The following GREM1 variants were observed in gnomAD, a reference collection of about 807,000 sequenced individuals.
The protein encoded by GREM1 is gremlin-1.
In GREM1, 6 loss-of-function variants were observed where a neutral mutation model predicts 13.1. That is an observed-to-expected ratio of 0.46 (90% CI 0.25 to 0.91). The LOEUF (loss-of-function observed/expected upper bound fraction) is 0.91. GREM1 is among the 40% of genes least tolerant of loss of function. GREM1 has a pLI of 0.18. For missense variants in GREM1, 185 were observed against 233.9 expected, an observed-to-expected ratio of 0.79 and a Z score of 1.36; for synonymous variants, 98 against 93.7, an observed-to-expected ratio of 1.05 and a Z score of -0.27.
At position 32,736,055 on chromosome 15, in the gene GREM1, A is replaced by G. The variant is rs1364436620; in HGVS notation, c.*4810A>G. The G allele has an allele frequency of 6.6e-6, 1 of 152,230 alleles. No homozygotes were observed. Among genetic ancestry groups the G allele is most frequent in the Non-Finnish European group, 1.5e-5 (1 of 68,052 alleles). 9.4% of individuals were successfully genotyped at this position (152,230 alleles called of 1,614,324 possible). On this transcript the variant is annotated 3_prime_UTR_variant, in exon 2 of 2. Coordinates refer to ENST00000651154, the MANE Select transcript of GREM1 (RefSeq NM_013372.7). ...GCTTTGAAACCAACAGCCTGCAATTACCATGAAAATCAGCAGTCTGGCAGC... is the reference window on the plus strand; with the variant it reads ...GCTTTGAAACCAACAGCCTGCAATTGCCATGAAAATCAGCAGTCTGGCAGC...
intron 1 of GREM1, chr15:32,718,607 C>T (rs1039272936): frequency 2.6e-6 from 1 of 384,516 alleles, no homozygotes; most frequent in African/African-American, 2.1e-5. Context: ...GCTTGGGGCG[C>T]CGCGCTGGGT....
chr15:32,739,656 G>A lies in GREM1; in HGVS notation c.*8411G>A, dbSNP rs914461004. The A allele has an allele frequency of 1.3e-5, 2 of 152,170 alleles. No individual in the cohort carries two copies. The highest frequency in any genetic ancestry group is 2.9e-5 in the Non-Finnish European group (2 of 68,042). 9.4% of individuals were successfully genotyped at this position (152,170 alleles called of 1,614,324 possible). ...ACACATCTATTCTGCAAAAATTCAT[G>A]GCTAAATTCCTTTGTGAGGAATCCA... On this transcript the variant is annotated 3_prime_UTR_variant, in exon 2 of 2. Transcript: ENST00000651154.
Position 32,735,773 on chromosome 15 carries a change from G to T in GREM1, c.*4528G>T. The T allele has an allele frequency of 7.2e-6, 1 of 138,104 alleles. No individual in the cohort carries two copies. The highest frequency in any genetic ancestry group is 7.3e-5 in the Admixed American group (1 of 13,766). The allele number at this position is 138,104 out of a possible 1,614,324, so 8.6% of individuals were successfully genotyped here. On this transcript the variant is annotated 3_prime_UTR_variant, in exon 2 of 2. Transcript: ENST00000651154. The stretch of plus-strand genomic sequence containing the variant: ...ACACGGAAGAGCATTTCAAGCTTAA[G>T]AAAAAAAAAAAAAAGAAGAATGTGG...
intron 1 of GREM1, among the ~76,000 whole-genome samples, chr15:32,721,882 G>T (rs1595844773): frequency 1.3e-5 from 2 of 152,270 alleles, no homozygotes; most frequent in South Asian, 2.1e-4. Flanking sequence ...CTCGTTTCTT[G>T]TTGACCTCAA....
In GREM1 at chr15:32,718,641, T is replaced by C. The variant is rs370617365; in HGVS notation, c.-2+480T>C. 7.5e-3 allele frequency: 2,736 copies of C among 364,310 alleles called. 103 individuals carry two copies. Among genetic ancestry groups the C allele is most frequent in the South Asian group, 0.054 (2,631 of 48,948 alleles). The allele number at this position is 364,310 out of a possible 1,614,324, so 22.6% of individuals were successfully genotyped here. A position where few individuals can be genotyped will look rare whatever the true frequency, so the allele number is the denominator to read the frequency against. On this transcript the variant is annotated intron_variant, in intron 1 of 1. Coordinates refer to ENST00000651154, the MANE Select transcript of GREM1 (RefSeq NM_013372.7). ...GTCTGGGGGCGTCTTGGGGCGCCCATTGGAGTCCGCGGGTTGGAGCATCCG... is the reference window on the plus strand; with the variant it reads ...GTCTGGGGGCGTCTTGGGGCGCCCACTGGAGTCCGCGGGTTGGAGCATCCG...
At chr15:32,718,621 G>A (rs2055344489) in intron 1 of GREM1, 2 of 369,032 alleles carry the variant, frequency 5.4e-6, no homozygotes, top group Admixed American at 7.2e-5. Context: ...GCTGGGTCTG[G>A]GGGCGTCTTG....
chr15:32,718,233 G>A (rs1334658987), intron 1 of GREM1, 72 bp downstream of exon 1: 1 of 1,189,282 alleles, frequency 8.4e-7, no homozygotes, highest in Non-Finnish European at 1.1e-6. Flanking sequence ...CCCAGGACCC[G>A]CTCAGTTCCA....
intron 1 of GREM1, among the ~76,000 whole-genome samples, chr15:32,727,679 T>A (rs2055537108): frequency 6.6e-6 from 1 of 152,154 alleles, no homozygotes; most frequent in South Asian, 2.1e-4. Context: ...GGTATTCAAA[T>A]AGGAAGAGAG....
At chr15:32,719,301 G>C (rs1027812517) in intron 1 of GREM1, among the ~76,000 whole-genome samples, 2 of 152,224 alleles carry the variant, frequency 1.3e-5, no homozygotes, top group African/African-American at 4.8e-5. Context: ...GCTCCTCCTT[G>C]GGGGTGCCCC....
chr15:32,724,329 A>T (rs531705936), intron 1 of GREM1, among the ~76,000 whole-genome samples: 2 of 152,314 alleles, frequency 1.3e-5, no homozygotes, highest in South Asian at 4.1e-4. Context: ...ACAAACTCAG[A>T]GGGTCCTGGT....
At position 32,733,789 on chromosome 15, in the gene GREM1, A is replaced by G. The variant is rs1007585888; in HGVS notation, c.*2544A>G. On this transcript the variant is annotated 3_prime_UTR_variant, in exon 2 of 2. Transcript: ENST00000651154. ...GGTCTTGATCATACCTATTAAAATA[A>G]TGCCAAACACCAAATATGAATTTTA... is the stretch of plus-strand genomic sequence containing the variant. 2 of 237,132 alleles carry G rather than the reference A, an allele frequency of 8.4e-6. No homozygotes were observed. The highest frequency in any genetic ancestry group is 1.8e-5 in the Non-Finnish European group (2 of 111,400). The allele number at this position is 237,132 out of a possible 1,614,324, so 14.7% of individuals were successfully genotyped here.
At position 32,732,280 on chromosome 15, in the gene GREM1, T is replaced by C. The variant is rs1567114191; in HGVS notation, c.*1035T>C. 1 of 237,654 alleles carries C rather than the reference T, an allele frequency of 4.2e-6. No individual in the cohort carries two copies. Among genetic ancestry groups the C allele is most frequent in the East Asian group, 6.5e-5 (1 of 15,286 alleles). The allele number at this position is 237,654 out of a possible 1,614,324, so 14.7% of individuals were successfully genotyped here. On this transcript the variant is annotated 3_prime_UTR_variant, in exon 2 of 2. Coordinates refer to ENST00000651154, the MANE Select transcript of GREM1 (RefSeq NM_013372.7). ...CAGAGGCTGAAATTCCTAATACCTT[T>C]CCTTTATCGTGGTTATAGTCAGCTC...
In GREM1 at chr15:32,721,533, A is replaced by C. The variant is rs190825333; in HGVS notation, c.-2+3372A>C. Among the ~76,000 whole-genome samples the C allele has an allele frequency of 2.6e-5, 4 of 152,288 alleles. No individual in the cohort carries two copies. In the East Asian group the frequency reaches 7.7e-4, roughly 29 times the overall value. On this transcript the variant is annotated intron_variant, in intron 1 of 1. Transcript: ENST00000651154. ...CACTTTCGGAGACTGAGGCAGGCGG[A>C]TCACGAGGTCAGGAGTTTGAGACCA... is the stretch of plus-strand genomic sequence containing the variant.
rs537718699 is a variant in GREM1 at position 32,737,175 on chromosome 15, T to C, written c.*5930T>C. ...AAAGCCCAATTTAGGATGTCTTAAC[T>C]GATTAATGTTAGCAAATATTTAAAG... On this transcript the variant is annotated 3_prime_UTR_variant, in exon 2 of 2. Coordinates refer to ENST00000651154, the MANE Select transcript of GREM1 (RefSeq NM_013372.7). 102 of 152,342 alleles carry C rather than the reference T, an allele frequency of 6.7e-4. 1 individual carries two copies. Among genetic ancestry groups the C allele is most frequent in the African/African-American group, 2.4e-3 (99 of 41,580 alleles). 9.4% of individuals were successfully genotyped at this position (152,342 alleles called of 1,614,324 possible).
At chr15:32,720,091 GTGTC>G (rs756122623) in intron 1 of GREM1, among the ~76,000 whole-genome samples, 10 of 152,122 alleles carry the variant, frequency 6.6e-5, no homozygotes, top group Admixed American at 1.3e-4. Flanking sequence ...GTGTGTGTGT[GTGTC>G]TGTGTGTGTG....
Position 32,732,716 on chromosome 15 carries a change from G to A in GREM1, c.*1471G>A. The A allele has an allele frequency of 4.2e-6, 1 of 236,682 alleles. No individual in the cohort carries two copies. Among genetic ancestry groups the A allele is most frequent in the Non-Finnish European group, 9.0e-6 (1 of 110,982 alleles). The allele number at this position is 236,682 out of a possible 1,614,324, so 14.7% of individuals were successfully genotyped here. A position where few individuals can be genotyped will look rare whatever the true frequency, so the allele number is the denominator to read the frequency against. On this transcript the variant is annotated 3_prime_UTR_variant, in exon 2 of 2. Coordinates refer to ENST00000651154, the MANE Select transcript of GREM1 (RefSeq NM_013372.7). Reference sequence around the variant, plus strand: ...TGTAACTATTCAGTATTTACTGGTAGGCACTGTCCTCTGATTAAACTTGGC... The same window carrying A: ...TGTAACTATTCAGTATTTACTGGTAAGCACTGTCCTCTGATTAAACTTGGC...
chr15:32,730,903 G>A lies in GREM1; in HGVS notation c.213G>A (p.Glu71=). 6.2e-7 allele frequency: 1 copy of A among 1,613,760 alleles called. No individual in the cohort carries two copies. Among genetic ancestry groups the A allele is most frequent in the Non-Finnish European group, 8.5e-7 (1 of 1,179,882 alleles). ...GGCGGGGCACTGCCATGCCCGGGGA[G>A]GAGGTGCTGGAGTCCAGCCAAGAGG... ...GQGRGTAMPG[E]EVLESSQEAL... The change falls in exon 2 of 2, where the codon GAG becomes GAA. Residue 71 remains glutamate, a synonymous_variant. Coordinates refer to ENST00000651154, the MANE Select transcript of GREM1 (RefSeq NM_013372.7).
intron 1 of GREM1, among the ~76,000 whole-genome samples, chr15:32,724,204 G>A (rs2055458281): frequency 6.6e-6 from 1 of 152,238 alleles, no homozygotes; most frequent in Non-Finnish European, 1.5e-5. Flanking sequence ...AGTTGGTTCA[G>A]AGAAATAAAA....
rs974901678 is a variant in GREM1 at position 32,732,683 on chromosome 15, A to G, written c.*1438A>G. 1 of 240,458 alleles carries G rather than the reference A, an allele frequency of 4.2e-6. No individual in the cohort carries two copies. The highest frequency in any genetic ancestry group is 2.2e-5 in the African/African-American group (1 of 44,930). The allele number at this position is 240,458 out of a possible 1,614,324, so 14.9% of individuals were successfully genotyped here. On this transcript the variant is annotated 3_prime_UTR_variant, in exon 2 of 2. Transcript: ENST00000651154. ...TTCATCTGCTACTGGTTGGATGGAC[A>G]TAACTATTGTAACTATTCAGTATTT...
Sources: gnomAD v4.1 joint callset for allele counts (sites outside exome capture counted in the v4.1 genomes callset) on GRCh38, gnomAD v4.1.1 for gene constraint, MANE v1.5 for transcripts, NCBI Gene and HGNC (gene_info 2026-07-23, HGNC 2026-07-21) for gene names.